The following ZNF770 variants were observed in gnomAD, a reference collection of about 807,000 sequenced individuals.
The protein encoded by ZNF770 is zinc finger protein 770.
A neutral mutation model predicts 44.8 loss-of-function variants in ZNF770; 13 were observed. The ratio of observed to expected loss-of-function variants is 0.29; its 90% CI spans 0.19 to 0.46. The LOEUF is 0.46. ZNF770 is among the 20% of genes least tolerant of loss of function. The pLI is 1.00. For missense variants in ZNF770, 681 were observed against 797.9 expected, an observed-to-expected ratio of 0.85 and a Z score of 1.77; for synonymous variants, 304 against 271.8, an observed-to-expected ratio of 1.12 and a Z score of -1.17.
At chr15:34,985,729 A>G (rs1201982423) in intron 2 of ZNF770, among the ~76,000 whole-genome samples, 2 of 152,058 alleles carry the variant, frequency 1.3e-5, no homozygotes, top group African/African-American at 4.8e-5. Flanking sequence ...CCCTGTCTCT[A>G]CTAAAAATAC....
At position 34,981,383 on chromosome 15, in the gene ZNF770, C is replaced by T. The variant is rs781300055; in HGVS notation, c.2052G>A (p.Val684=). ...THFKERPQGK[V]VALDSVM is the part of the protein sequence containing the mutation. ...TTTACATAACCGAATCTAAGGCAAC[C>T]ACTTTCCCTTGTGGTCGTTCTTTAA... Residue 684 remains valine, a synonymous_variant, in exon 3 of 3, where the codon GTG becomes GTA. Coordinates refer to ENST00000356321, the MANE Select transcript of ZNF770 (RefSeq NM_014106.4). The T allele has an allele frequency of 2.5e-6, 4 of 1,611,644 alleles. No homozygotes were observed. In the Admixed American group the frequency reaches 6.7e-5, roughly 27 times the overall value.
In ZNF770 at chr15:34,981,722, G is replaced by T; in HGVS notation, c.1713C>A (p.Val571=). Residue 571 remains valine (V), a synonymous_variant, in exon 3 of 3, where the codon GTC becomes GTA. Transcript: ENST00000356321. ...CQAPGVQKYE[V]SESDQMSGVK... is the part of the protein sequence containing the mutation. ...CTCCTGACATTTGATCTGACTCTGAGACCTCGTATTTTTGAACACCAGGAG... is the reference window on the plus strand; with the variant it reads ...CTCCTGACATTTGATCTGACTCTGATACCTCGTATTTTTGAACACCAGGAG... The T allele has an allele frequency of 6.2e-7, 1 of 1,614,068 alleles. No individual in the cohort carries two copies. Among genetic ancestry groups the T allele is most frequent in the Non-Finnish European group, 8.5e-7 (1 of 1,180,024 alleles).
Position 34,983,297 on chromosome 15 carries a change from A to G in ZNF770, c.138T>C (p.Tyr46=), listed in dbSNP as rs1178797021. 6 of 1,613,524 alleles carry G rather than the reference A, an allele frequency of 3.7e-6. No homozygotes were observed. In the East Asian group the frequency reaches 1.3e-4, roughly 36 times the overall value. ...FETPSKLARH[Y]LIHTGQKPFE... Reference sequence around the variant, plus strand: ...ATGGCTTTTGACCAGTATGAATGAGATAGTGCCTAGCTAATTTTGATGGTG... The same window carrying G: ...ATGGCTTTTGACCAGTATGAATGAGGTAGTGCCTAGCTAATTTTGATGGTG... The change falls in exon 3 of 3, where the codon TAT becomes TAC. Residue 46 remains tyrosine, a synonymous_variant. Coordinates refer to ENST00000356321, the MANE Select transcript of ZNF770 (RefSeq NM_014106.4).
In ZNF770 at chr15:34,980,353, T is replaced by G. The variant is rs999101711; in HGVS notation, c.*1006A>C. The G allele has an allele frequency of 6.6e-6, 1 of 152,074 alleles. No individual in the cohort carries two copies. Among genetic ancestry groups the G allele is most frequent in the African/African-American group, 2.4e-5 (1 of 41,386 alleles). 9.4% of individuals were successfully genotyped at this position (152,074 alleles called of 1,614,324 possible). A position where few individuals can be genotyped will look rare whatever the true frequency, so the allele number is the denominator to read the frequency against. On this transcript the variant is annotated 3_prime_UTR_variant, in exon 3 of 3. Transcript: ENST00000356321. ...AGAAAATATTCCTGGTAAGTAAACA[T>G]GGTAAATATAGGTACATCCTAGCCT...
In ZNF770 at chr15:34,978,522, ATAC is replaced by A. The variant is rs1566796722; in HGVS notation, c.*2834_*2836del. 1 of 152,192 alleles carries A rather than the reference ATAC, an allele frequency of 6.6e-6. No homozygotes were observed. The highest frequency in any genetic ancestry group is 6.5e-5 in the Admixed American group (1 of 15,274). The allele number at this position is 152,192 out of a possible 1,614,324, so 9.4% of individuals were successfully genotyped here. ...AATCAAACTACTTCAGTAAATGATC[ATAC>A]TACAGCCTGGAATCACTCAAACAAA... On this transcript the variant is annotated 3_prime_UTR_variant, in exon 3 of 3. Transcript: ENST00000356321.
chr15:34,978,959 T>A lies in ZNF770; in HGVS notation c.*2400A>T, dbSNP rs1180795767. The A allele has an allele frequency of 6.6e-6, 1 of 152,490 alleles. No homozygotes were observed. Among genetic ancestry groups the A allele is most frequent in the Non-Finnish European group, 1.5e-5 (1 of 68,044 alleles). 9.4% of individuals were successfully genotyped at this position (152,490 alleles called of 1,614,324 possible). A position where few individuals can be genotyped will look rare whatever the true frequency, so the allele number is the denominator to read the frequency against. ...CTGTTATACTGTATTTTTATTTGTA[T>A]TATTTTTATTTTTTCTAATATTTTT... is the stretch of plus-strand genomic sequence containing the variant. On this transcript the variant is annotated 3_prime_UTR_variant, in exon 3 of 3. Transcript: ENST00000356321.
rs1449166719 is a variant in ZNF770, at chr15:34,983,641, GAAT to G, written c.-56-154_-56-152del. Among the ~76,000 whole-genome samples the G allele has an allele frequency of 1.1e-4, 16 of 152,186 alleles. No homozygotes were observed. In the South Asian group the frequency reaches 2.9e-3, roughly 28 times the overall value. ...AATAATCATTTTAAGTAATACTTTA[GAAT>G]AATAATACTAATTTTATACATACAG... On this transcript the variant is annotated intron_variant, in intron 2 of 2. Transcript: ENST00000356321.
chr15:34,985,901 T>A (rs1014744634), intron 2 of ZNF770, among the ~76,000 whole-genome samples: 2 of 151,704 alleles, frequency 1.3e-5, no homozygotes, highest in African/African-American at 2.4e-5. Context: ...TCAAAAAAAA[T>A]TTAAAAATAA....
rs1025457066 is a variant in ZNF770, at chr15:34,981,929, G to C, written c.1506C>G (p.Pro502=). 1.2e-5 allele frequency: 20 copies of C among 1,613,952 alleles called. 1 individual carries two copies. The Admixed American group carries it at 2.0e-4, about 16-fold the overall frequency. Residue 502 remains proline (P), a synonymous_variant, in exon 3 of 3, where the codon CCC becomes CCG. Coordinates refer to ENST00000356321, the MANE Select transcript of ZNF770 (RefSeq NM_014106.4). ...RHYLIHTGQR[P]FGCNICGKSF... ...ATTTCCCACAAATATTACAGCCAAA[G>C]GGCCTCTGTCCAGTATGAATTAAAT...
At chr15:34,986,071 T>C (rs1015982766) in intron 2 of ZNF770, among the ~76,000 whole-genome samples, 3 of 152,014 alleles carry the variant, frequency 2.0e-5, no homozygotes, top group African/African-American at 2.4e-5. Flanking sequence ...CAAAGGAACC[T>C]ACAACAAATC....
In ZNF770 at chr15:34,981,758, T is replaced by C. The variant is rs1409971759; in HGVS notation, c.1677A>G (p.Gln559=). 6.2e-7 allele frequency: 1 copy of C among 1,614,140 alleles called. No homozygotes were observed. Among genetic ancestry groups the C allele is most frequent in the Admixed American group, 1.7e-5 (1 of 60,024 alleles). The change falls in exon 3 of 3, where the codon CAA becomes CAG. Residue 559 remains glutamine (Q), a synonymous_variant. Transcript: ENST00000356321. ...TTTGAACACCAGGAGCCTGACATTG[T>C]TGGGAAGCATTATAGTTAACATTAT... ...SGNNVNYNAS[Q]QCQAPGVQKY...
chr15:34,982,606 C>T lies in ZNF770; in HGVS notation c.829G>A (p.Glu277Lys). 1 of 1,613,368 alleles carries T rather than the reference C, an allele frequency of 6.2e-7. No individual in the cohort carries two copies. Among genetic ancestry groups the T allele is most frequent in the Non-Finnish European group, 8.5e-7 (1 of 1,179,996 alleles). Reference sequence around the variant, plus strand: ...TCAAGTGGATTATTCTCCTCAGATTCACCAATCTCACCATTTTCAAAACCA... The same window carrying T: ...TCAAGTGGATTATTCTCCTCAGATTTACCAATCTCACCATTTTCAAAACCA... ...QGGFENGEIG[E>K]SEENNPLDVH... Residue 277 changes from glutamate (E) to lysine (K), a missense_variant, in exon 3 of 3, where the codon GAA becomes AAA. By Grantham distance (56) the Glu-to-Lys change is moderately conservative. Around this residue, in one of 5 missense-constraint regions of ZNF770, gnomAD observed 432 missense variants for 434.1 expected, o/e 1.00. Coordinates refer to ENST00000356321, the MANE Select transcript of ZNF770 (RefSeq NM_014106.4).
At position 34,983,359 on chromosome 15, in the gene ZNF770, G is replaced by A. The variant is rs1300629855; in HGVS notation, c.76C>T (p.Pro26Ser). The A allele has an allele frequency of 1.2e-6, 2 of 1,608,672 alleles. No individual in the cohort carries two copies. Among genetic ancestry groups the A allele is most frequent in the Admixed American group, 1.7e-5 (1 of 59,278 alleles). ...TTAAAACAAATATTGCAAACATATG[G>A]CCTGTTTCTAGGTAGTTTGTTGGCT... ...VVANKLPRNR[P>S]YVCNICFKHF... Residue 26 changes from proline (P) to serine (S), a missense_variant, in exon 3 of 3, where the codon CCA (proline) becomes TCA (serine). Transcript: ENST00000356321.
At position 34,982,150 on chromosome 15, in the gene ZNF770, A is replaced by G. The variant is rs147157397; in HGVS notation, c.1285T>C (p.Leu429=). Residue 429 remains leucine, a synonymous_variant, in exon 3 of 3, where the codon TTA becomes CTA. Coordinates refer to ENST00000356321, the MANE Select transcript of ZNF770 (RefSeq NM_014106.4). ...TTATTCACTGAATTATCAATGCTTA[A>G]TATGTTTTCTGTCGTAAGGATGCCT... is the stretch of plus-strand genomic sequence containing the variant. ...LKGILTTENI[L]SIDNSVNKKD... 9.3e-6 allele frequency: 15 copies of G among 1,613,918 alleles called. No homozygotes were observed. The African/African-American group carries it at 1.2e-4, about 13-fold the overall frequency.
At chr15:34,986,914 A>G (rs1226283519) in intron 2 of ZNF770, among the ~76,000 whole-genome samples, 1 of 152,188 alleles carries the variant, frequency 6.6e-6, no homozygotes, top group African/African-American at 2.4e-5. Flanking sequence ...CTTGACTGCA[A>G]CCCCCTCCAG....
chr15:34,984,728 A>G (rs944757599), intron 2 of ZNF770, among the ~76,000 whole-genome samples: 3 of 152,164 alleles, frequency 2.0e-5, no homozygotes, highest in African/African-American at 7.2e-5. Flanking sequence ...AAGATCGACA[A>G]ATTGGTTACT....
Position 34,983,387 on chromosome 15 carries a change from C to T in ZNF770, c.48G>A (p.Val16=). Residue 16 remains valine (V), a synonymous_variant, in exon 3 of 3, where the codon GTG becomes GTA. Coordinates refer to ENST00000356321, the MANE Select transcript of ZNF770 (RefSeq NM_014106.4). ...TGTTTCTAGGTAGTTTGTTGGCTAC[C>T]ACACACTGTTGAATCTTTAGCATTT... ...NLKMLKIQQC[V]VANKLPRNRP... is the part of the protein sequence containing the mutation. 3.1e-6 allele frequency: 5 copies of T among 1,589,914 alleles called. No homozygotes were observed. Among genetic ancestry groups the T allele is most frequent in the South Asian group, 1.1e-5 (1 of 87,606 alleles).
rs758395670 is a variant in ZNF770 at position 34,983,389 on chromosome 15, C to A, written c.46G>T (p.Val16Leu). ...TTTCTAGGTAGTTTGTTGGCTACCA[C>A]ACACTGTTGAATCTTTAGCATTTTT... Reference protein sequence around the residue: ...NLKMLKIQQCVVANKLPRNRP... With the variant: ...NLKMLKIQQCLVANKLPRNRP... The change falls in exon 3 of 3, where the codon GTG becomes TTG. Residue 16 changes from valine to leucine, a missense_variant. This residue lies in a region of ZNF770 where 65 missense variants were observed against 115.0 expected (regional missense o/e 0.57). Transcript: ENST00000356321. 6.3e-7 allele frequency: 1 copy of A among 1,589,030 alleles called. No homozygotes were observed. Among genetic ancestry groups the A allele is most frequent in the African/African-American group, 1.4e-5 (1 of 73,958 alleles).
At chr15:34,988,042 G>A (rs958565973) in intron 1 of ZNF770, 74 bp downstream of exon 1, 2 of 152,338 alleles carry the variant, frequency 1.3e-5, no homozygotes, top group Non-Finnish European at 2.9e-5. Flanking sequence ...GCACTCAATA[G>A]GTGGGGAAGT....
Sources: allele counts gnomAD v4.1 joint callset (sites outside exome capture counted in the v4.1 genomes callset), GRCh38; gene constraint gnomAD v4.1.1; regional missense constraint gnomAD v4.1.1; transcripts MANE v1.5; gene names NCBI Gene and HGNC (gene_info 2026-07-23, HGNC 2026-07-21).